The following EIF4A3 variants were observed in gnomAD, a reference collection of about 807,000 sequenced individuals.
EIF4A3 encodes eukaryotic initiation factor 4A-III.
EIF4A3 carries 1 observed loss-of-function variant against 55.6 expected under a neutral mutation model. The observed-to-expected ratio is 0.02, with a 90% CI of 0.01 to 0.09. The LOEUF is 0.09. EIF4A3 is among the 10% of genes least tolerant of loss of function. The pLI, the probability that EIF4A3 is intolerant of heterozygous loss-of-function variation, is 1.00. For missense variants in EIF4A3, 221 were observed against 540.7 expected, an observed-to-expected ratio of 0.41 and a Z score of 5.86; for synonymous variants, 194 against 196.3, an observed-to-expected ratio of 0.99 and a Z score of 0.10.
At chr17:80,144,286 G>A (rs2039641027) in intron 1 of EIF4A3, 42 bp from the exon 2 acceptor site, 2 of 1,590,704 alleles carry the variant, frequency 1.3e-6, no homozygotes, top group Non-Finnish European at 8.6e-7. Context: ...CACAATGACA[G>A]CATAGAAACC....
chr17:80,135,263 A>G lies in EIF4A3; in HGVS notation c.*227T>C. 1 of 454,874 alleles carries G rather than the reference A, an allele frequency of 2.2e-6. No individual in the cohort carries two copies. Among genetic ancestry groups the G allele is most frequent in the South Asian group, 6.0e-5 (1 of 16,702 alleles). 28.2% of individuals were successfully genotyped at this position (454,874 alleles called of 1,614,324 possible). A position where few individuals can be genotyped will look rare whatever the true frequency, so the allele number is the denominator to read the frequency against. On this transcript the variant is annotated 3_prime_UTR_variant, in exon 12 of 12. Coordinates refer to ENST00000649764, the MANE Select transcript of EIF4A3 (RefSeq NM_014740.4). ...ACCTTAGAAGTATAGAGTTTATGGG[A>G]AAAGTTTTAAATTTTTAATGAAAAA...
intron 4 of EIF4A3, 136 bp from the exon 5 acceptor site, chr17:80,140,276 T>C: frequency 9.8e-7 from 1 of 1,016,134 alleles, no homozygotes; most frequent in Non-Finnish European, 1.3e-6. Context: ...CACAAAATTC[T>C]CCTGCTCTTT....
At chr17:80,142,612 G>A (rs1325361655) in intron 2 of EIF4A3, among the ~76,000 whole-genome samples, 1 of 152,136 alleles carries the variant, frequency 6.6e-6, no homozygotes, top group East Asian at 1.9e-4. Context: ...AGGAACGGTG[G>A]CACATTCTGG....
At chr17:80,141,891 G>A in intron 2 of EIF4A3, 43 bp from the exon 3 acceptor site, 1 of 1,555,938 alleles carries the variant, frequency 6.4e-7, no homozygotes, top group Non-Finnish European at 8.9e-7. Context: ...GGGAGGACAG[G>A]CCACGCCACA....
Position 80,140,068 on chromosome 17 carries a change from C to T in EIF4A3, c.445G>A (p.Asp149Asn). The T allele has an allele frequency of 6.2e-7, 1 of 1,614,000 alleles. No individual in the cohort carries two copies. Among genetic ancestry groups the T allele is most frequent in the Non-Finnish European group, 8.5e-7 (1 of 1,179,990 alleles). ...TGTCCGTAATCCAGCTTCCTGATGT[C>T]CTCGCCAACATTGGTGCCTCCAATG... is the stretch of plus-strand genomic sequence containing the variant. ...ACIGGTNVGE[D>N]IRKLDYGQHV... is the part of the protein sequence containing the mutation. Residue 149 changes from aspartate to asparagine, a missense_variant, in exon 5 of 12, where the codon GAC becomes AAC. Asp to Asn is a conservative substitution (Grantham distance 23). This residue lies in a region of EIF4A3 where 85 missense variants were observed against 205.8 expected (regional missense o/e 0.41). Transcript: ENST00000649764.
intron 7 of EIF4A3, 125 bp downstream of exon 7, chr17:80,138,896 G>T (rs761831500): frequency 5.4e-5 from 70 of 1,301,206 alleles, no homozygotes; most frequent in Non-Finnish European, 7.1e-5. Flanking sequence ...CTGAGGTCCG[G>T]GTTTTGACAC....
rs2039558865 is a variant in EIF4A3 at position 80,135,014 on chromosome 17, T to A, written c.*476A>T. Among the ~76,000 whole-genome samples, 1 of 151,954 alleles carries A rather than the reference T, an allele frequency of 6.6e-6. No homozygotes were observed. The highest frequency in any genetic ancestry group is 2.1e-4 in the South Asian group (1 of 4,810). Reference sequence around the variant, plus strand: ...AAAATACAAAAAAATTAGCCTGGCATGGTGGCGGCCGCCTGTACTCCCAGC... The same window carrying A: ...AAAATACAAAAAAATTAGCCTGGCAAGGTGGCGGCCGCCTGTACTCCCAGC... On this transcript the variant is annotated 3_prime_UTR_variant, in exon 12 of 12. Transcript: ENST00000649764.
chr17:80,141,243 A>G, intron 4 of EIF4A3, 76 bp downstream of exon 4: 1 of 1,447,210 alleles, frequency 6.9e-7, no homozygotes, highest in Non-Finnish European at 9.6e-7. Context: ...GGATTAAATA[A>G]ATAAGTCGGT....
chr17:80,140,291 T>G (rs1567849588), intron 4 of EIF4A3, 151 bp from the exon 5 acceptor site: 1 of 983,908 alleles, frequency 1.0e-6, no homozygotes, highest in Non-Finnish European at 1.4e-6. Context: ...CTCTTTTCTC[T>G]GACAAAAACA....
At chr17:80,142,674 G>C (rs565128642) in intron 2 of EIF4A3, among the ~76,000 whole-genome samples, 28 of 152,110 alleles carry the variant, frequency 1.8e-4, no homozygotes. Context: ...AATCCTCGAA[G>C]TTAGAGGTTG....
At chr17:80,136,602 C>G (rs533901967) in intron 9 of EIF4A3, 2 of 487,900 alleles carry the variant, frequency 4.1e-6, no homozygotes, top group Non-Finnish European at 7.2e-6. Flanking sequence ...CTATCTTTAA[C>G]TTGTTTAATC....
Position 80,141,859 on chromosome 17 carries a change from A to G in EIF4A3, c.243-11T>C, listed in dbSNP as rs2039621435. The G allele has an allele frequency of 1.2e-6, 2 of 1,613,500 alleles. No homozygotes were observed. Among genetic ancestry groups the G allele is most frequent in the East Asian group, 4.5e-5 (2 of 44,874 alleles). ...GTGCCGGACTGAGACCTATTCAAGG[A>G]AACAAAAGCAGTGGGATTAGAGGGA... is the stretch of plus-strand genomic sequence containing the variant. On this transcript the variant is annotated splice_polypyrimidine_tract_variant and intron_variant, in intron 2 of 11. Coordinates refer to ENST00000649764, the MANE Select transcript of EIF4A3 (RefSeq NM_014740.4).
At chr17:80,145,304 C>G (rs1229090350) in intron 1 of EIF4A3, among the ~76,000 whole-genome samples, 1 of 152,204 alleles carries the variant, frequency 6.6e-6, no homozygotes, top group Non-Finnish European at 1.5e-5. Flanking sequence ...GTGGCTCACA[C>G]CTGTAATGCC....
intron 7 of EIF4A3, 40 bp downstream of exon 7, chr17:80,138,981 G>A (rs753819652): frequency 3.7e-6 from 6 of 1,601,702 alleles, no homozygotes; most frequent in South Asian, 2.2e-5. Context: ...TTATAAATGC[G>A]GCCCAGTGTT....
intron 6 of EIF4A3, 199 bp from the exon 7 acceptor site, chr17:80,139,361 G>C: frequency 2.8e-6 from 2 of 719,664 alleles, no homozygotes; most frequent in South Asian, 4.0e-5. Context: ...GTGTTATCTG[G>C]TTGAGGGAAT....
intron 6 of EIF4A3, 22 bp from the exon 7 acceptor site, chr17:80,139,184 GT>G: frequency 6.2e-7 from 1 of 1,613,300 alleles, no homozygotes; most frequent in Non-Finnish European, 8.5e-7. Flanking sequence ...AGCAAGACAG[GT>G]GAGGGATGTT....
chr17:80,142,421 T>C (rs2039625434), intron 2 of EIF4A3, among the ~76,000 whole-genome samples: 1 of 152,192 alleles, frequency 6.6e-6, no homozygotes, highest in African/African-American at 2.4e-5. Flanking sequence ...AGCAGGGCTC[T>C]AATCTTCCCT....
intron 1 of EIF4A3, among the ~76,000 whole-genome samples, chr17:80,145,467 G>C (rs117847337): frequency 0.015 from 2,311 of 152,280 alleles, 78 homozygotes; most frequent in South Asian, 0.11. Flanking sequence ...GGGAGGCTGA[G>C]GCAAAGGAAT....
At chr17:80,138,448 C>T in intron 7 of EIF4A3, 168 bp from the exon 8 acceptor site, 1 of 663,514 alleles carries the variant, frequency 1.5e-6, no homozygotes, top group Middle Eastern at 4.3e-4. Context: ...ACTTCCGTCA[C>T]ACAGGCCTCC....
Sources: allele counts gnomAD v4.1 joint callset (sites outside exome capture counted in the v4.1 genomes callset), GRCh38; gene constraint gnomAD v4.1.1; regional missense constraint gnomAD v4.1.1; transcripts MANE v1.5; gene names NCBI Gene and HGNC (gene_info 2026-07-23, HGNC 2026-07-21).